Variants in GTF2A2 observed in about 807,000 individuals in gnomAD.
GTF2A2 encodes transcription initiation factor IIA subunit 2.
In GTF2A2, 9 loss-of-function variants were observed where a neutral mutation model predicts 14.3. The observed-to-expected ratio is 0.63, with a 90% CI of 0.38 to 1.10. The LOEUF (loss-of-function observed/expected upper bound fraction) is 1.10. Among genes scored for constraint, GTF2A2 ranks in the 50% least tolerant of loss-of-function variants. The probability of loss-of-function intolerance (pLI) is 0.01; values close to 1 mark genes in which losing one functional copy is unlikely to be tolerated. For synonymous variants in GTF2A2, 56 were observed against 46.0 expected, an observed-to-expected ratio of 1.22 and a Z score of -0.88; for missense variants, 90 against 124.6, an observed-to-expected ratio of 0.72 and a Z score of 1.32.
chr15:59,639,932 G>A (rs1479684215), intron 4 of GTF2A2, among the ~76,000 whole-genome samples: 1 of 151,830 alleles, frequency 6.6e-6, no homozygotes, highest in South Asian at 2.1e-4. Context: ...TGTATTTTTA[G>A]TAGAGATGGA....
chr15:59,642,559 G>A (rs1378025817), intron 3 of GTF2A2, among the ~76,000 whole-genome samples: 1 of 152,082 alleles, frequency 6.6e-6, no homozygotes, highest in Admixed American at 6.5e-5. Context: ...GCCCTCATGT[G>A]GCTAAGTTAT....
chr15:59,643,660 TA>T (rs1469794055), intron 3 of GTF2A2, among the ~76,000 whole-genome samples: 1 of 147,590 alleles, frequency 6.8e-6, no homozygotes, highest in African/African-American at 2.5e-5. Context: ...GGCAGGGGTG[TA>T]ATCTCAGCTC....
At chr15:59,641,335 T>C (rs891122762) in intron 4 of GTF2A2, among the ~76,000 whole-genome samples, 7 of 152,212 alleles carry the variant, frequency 4.6e-5, no homozygotes, top group African/African-American at 1.4e-4. Context: ...TTTTGTATTC[T>C]CTACATTTTT....
At chr15:59,648,527 TAATA>T (rs1466213418) in intron 3 of GTF2A2, among the ~76,000 whole-genome samples, 4 of 152,238 alleles carry the variant, frequency 2.6e-5, no homozygotes, top group Admixed American at 2.6e-4. Context: ...AGTTTTTTAC[TAATA>T]AATTAAAACA....
At chr15:59,639,817 C>G (rs1331584880) in intron 4 of GTF2A2, among the ~76,000 whole-genome samples, 1 of 151,962 alleles carries the variant, frequency 6.6e-6, no homozygotes. Context: ...GTAGCGCAAT[C>G]TCAGCTCACT....
At chr15:59,654,681 A>C (rs1891891092) in intron 1 of GTF2A2, among the ~76,000 whole-genome samples, 1 of 152,196 alleles carries the variant, frequency 6.6e-6, no homozygotes, top group African/African-American at 2.4e-5. Context: ...TTAAAGTGCT[A>C]ATATATTAGA....
At chr15:59,648,420 G>GAATA (rs1409229539) in intron 3 of GTF2A2, among the ~76,000 whole-genome samples, 5 of 77,968 alleles carry the variant, frequency 6.4e-5, no homozygotes, top group African/African-American at 1.4e-4. Flanking sequence ...AAAAAAAAAA[G>GAATA]AATAAATAAA....
chr15:59,643,993 C>T (rs1412462909), intron 3 of GTF2A2, among the ~76,000 whole-genome samples: 1 of 152,180 alleles, frequency 6.6e-6, no homozygotes, highest in Non-Finnish European at 1.5e-5. Flanking sequence ...CTCCCAGGTT[C>T]AAGTGATTCT....
chr15:59,640,670 A>C (rs1301942906), intron 4 of GTF2A2, among the ~76,000 whole-genome samples: 1 of 152,228 alleles, frequency 6.6e-6, no homozygotes, highest in Non-Finnish European at 1.5e-5. Context: ...ATTTTGATAG[A>C]GATCTAGGTA....
intron 1 of GTF2A2, among the ~76,000 whole-genome samples, chr15:59,653,130 G>C (rs1891843402): frequency 6.6e-6 from 1 of 152,154 alleles, no homozygotes; most frequent in Non-Finnish European, 1.5e-5. Flanking sequence ...GGCAGGATAG[G>C]TGCAAGCAGT....
chr15:59,649,538 G>A (rs905234627), intron 3 of GTF2A2, among the ~76,000 whole-genome samples: 3 of 152,086 alleles, frequency 2.0e-5, no homozygotes, highest in Non-Finnish European at 2.9e-5. Flanking sequence ...TTCTGCATAT[G>A]GGTATATAAA....
intron 1 of GTF2A2, among the ~76,000 whole-genome samples, chr15:59,655,473 C>A (rs1166286401): frequency 5.3e-5 from 8 of 152,224 alleles, no homozygotes; most frequent in Non-Finnish European, 1.0e-4. Context: ...CCTCCTCTTT[C>A]GTACAGGATC....
intron 4 of GTF2A2, among the ~76,000 whole-genome samples, chr15:59,641,749 TTAAAA>T (rs1397578198): frequency 5.3e-5 from 8 of 152,150 alleles, no homozygotes; most frequent in Admixed American, 5.2e-4. Context: ...AAAATCCTGT[TTAAAA>T]TAACTCTTTA....
At chr15:59,642,685 G>C (rs776074864) in intron 3 of GTF2A2, among the ~76,000 whole-genome samples, 7 of 152,204 alleles carry the variant, frequency 4.6e-5, no homozygotes, top group Non-Finnish European at 8.8e-5. Context: ...TTTTAATCCT[G>C]TGACTTGGCT....
intron 2 of GTF2A2, chr15:59,651,328 C>A (rs954173641): frequency 1.3e-5 from 2 of 152,444 alleles, no homozygotes; most frequent in African/African-American, 4.8e-5. Context: ...CAGATGTGTG[C>A]CACCACACCC....
intron 3 of GTF2A2, among the ~76,000 whole-genome samples, chr15:59,650,295 C>G (rs1009270825): frequency 5.9e-5 from 9 of 152,148 alleles, no homozygotes; most frequent in African/African-American, 2.2e-4. Context: ...TTCCCTGGAA[C>G]GGGGAAAGGC....
At chr15:59,648,579 G>A (rs1367323653) in intron 3 of GTF2A2, among the ~76,000 whole-genome samples, 2 of 151,760 alleles carry the variant, frequency 1.3e-5, no homozygotes, top group Non-Finnish European at 2.9e-5. Context: ...TACTTAAGAG[G>A]ATTTTCTCCT....
At chr15:59,656,044 G>A (rs1252199090) in intron 1 of GTF2A2, among the ~76,000 whole-genome samples, 1 of 152,132 alleles carries the variant, frequency 6.6e-6, no homozygotes, top group Admixed American at 6.5e-5. Context: ...CAGCCAGGGT[G>A]ATCTTCTAAA....
intron 1 of GTF2A2, among the ~76,000 whole-genome samples, chr15:59,654,007 AAG>A (rs1891870180): frequency 6.6e-6 from 1 of 152,094 alleles, no homozygotes; most frequent in Non-Finnish European, 1.5e-5. Context: ...CTATTACCCT[AAG>A]TCACCATCAT....
Sources: allele counts gnomAD v4.1 joint callset (sites outside exome capture counted in the v4.1 genomes callset), GRCh38; gene constraint gnomAD v4.1.1; transcripts MANE v1.5; gene names NCBI Gene and HGNC (gene_info 2026-07-23, HGNC 2026-07-21).